The following OPCML variants were observed in gnomAD, a reference collection of about 807,000 sequenced individuals.
The protein encoded by OPCML is opioid binding protein/cell adhesion molecule like.
Under a neutral mutation model 37.8 loss-of-function variants are expected in OPCML, and 13 were observed. The observed-to-expected ratio is 0.34, with a 90% CI of 0.22 to 0.55. The LOEUF (loss-of-function observed/expected upper bound fraction) is 0.55. OPCML is among the 20% of genes least tolerant of loss of function. The pLI, the probability that OPCML is intolerant of heterozygous loss-of-function variation, is 0.91. For missense variants in OPCML, 341 were observed against 435.6 expected, an observed-to-expected ratio of 0.78 and a Z score of 1.93; for synonymous variants, 176 against 168.8, an observed-to-expected ratio of 1.04 and a Z score of -0.33.
intron 2 of OPCML, among the ~76,000 whole-genome samples, chr11:132,898,218 G>A (rs575179299): frequency 2.9e-4 from 44 of 152,312 alleles, no homozygotes; most frequent in South Asian, 6.2e-4. Flanking sequence ...AGCCAGCTAC[G>A]TGGTGGCAAG....
intron 2 of OPCML, among the ~76,000 whole-genome samples, chr11:132,759,471 T>A (rs60607515): frequency 6.6e-6 from 1 of 152,166 alleles, no homozygotes; most frequent in Non-Finnish European, 1.5e-5. Flanking sequence ...AGTGTCTCAA[T>A]TTCAGAACTT....
intron 1 of OPCML, among the ~76,000 whole-genome samples, chr11:133,303,099 A>C (rs1327019937): frequency 6.6e-6 from 1 of 152,190 alleles, no homozygotes; most frequent in South Asian, 2.1e-4. Flanking sequence ...AATATTTGCA[A>C]ATAAATAAGC....
chr11:132,688,277 T>C (rs1485063069), intron 2 of OPCML, among the ~76,000 whole-genome samples: 1 of 152,094 alleles, frequency 6.6e-6, no homozygotes, highest in Admixed American at 6.6e-5. Flanking sequence ...GAAAAAGAAG[T>C]TGAATGGATG....
intron 2 of OPCML, among the ~76,000 whole-genome samples, chr11:132,805,695 G>T (rs1227646475): frequency 6.6e-6 from 1 of 152,168 alleles, no homozygotes; most frequent in Non-Finnish European, 1.5e-5. Context: ...AGGCAAGAGT[G>T]CAATAAAGAC....
At chr11:132,729,854 T>C (rs779656092) in intron 2 of OPCML, among the ~76,000 whole-genome samples, 1 of 152,078 alleles carries the variant, frequency 6.6e-6, no homozygotes, top group African/African-American at 2.4e-5. Context: ...ATGAGCAGGA[T>C]ATTCTACCAA....
chr11:132,798,480 A>C (rs180891713), intron 2 of OPCML, among the ~76,000 whole-genome samples: 2 of 152,346 alleles, frequency 1.3e-5, no homozygotes, highest in East Asian at 3.9e-4. Flanking sequence ...TTAGTTGCTA[A>C]GTCATAAGAA....
chr11:133,082,698 C>T (rs1487894199), intron 1 of OPCML, among the ~76,000 whole-genome samples: 1 of 135,112 alleles, frequency 7.4e-6, no homozygotes, highest in Non-Finnish European at 1.6e-5. Context: ...CGAAGCCGGG[C>T]GAGGGGCTCA....
intron 1 of OPCML, among the ~76,000 whole-genome samples, chr11:133,072,562 G>A (rs769995536): frequency 1.3e-5 from 2 of 152,224 alleles, no homozygotes; most frequent in South Asian, 4.1e-4. Flanking sequence ...CTCTAGGGAC[G>A]GCTTGATGAC....
Position 132,963,614 on chromosome 11 carries a change from C to A in OPCML, c.62-20604G>T, listed in dbSNP as rs566594877. Among the ~76,000 whole-genome samples the A allele has an allele frequency of 5.4e-4, 81 of 150,616 alleles. 1 individual carries two copies. In the South Asian group the frequency reaches 0.016, roughly 29 times the overall value. On this transcript the variant is annotated intron_variant, in intron 1 of 7. Coordinates refer to ENST00000524381, the MANE Select transcript of OPCML (RefSeq NM_001012393.5). Reference sequence around the variant, plus strand: ...TCAAAAAAAAAAAAAAAAACTGTGGCTCTTGCGGTGAGAATGTCCTTCCTG... The same window carrying A: ...TCAAAAAAAAAAAAAAAAACTGTGGATCTTGCGGTGAGAATGTCCTTCCTG...
chr11:132,953,068 T>A (rs1945896007), intron 1 of OPCML, among the ~76,000 whole-genome samples: 1 of 152,172 alleles, frequency 6.6e-6, no homozygotes, highest in African/African-American at 2.4e-5. Context: ...AACTTTAGAA[T>A]CTAAGGAGTA....
intron 3 of OPCML, among the ~76,000 whole-genome samples, chr11:132,614,472 C>T (rs942170402): frequency 2.0e-5 from 3 of 152,200 alleles, no homozygotes; most frequent in Admixed American, 6.5e-5. Context: ...CCTCTTCCGT[C>T]CCTCTGCGGG....
intron 1 of OPCML, among the ~76,000 whole-genome samples, chr11:133,149,278 T>A (rs1468469547): frequency 6.6e-6 from 1 of 152,168 alleles, no homozygotes; most frequent in Admixed American, 6.5e-5. Flanking sequence ...TTGGAGCAGG[T>A]CCTACGGGAG....
chr11:133,176,337 C>CTT (rs3049633), intron 1 of OPCML, among the ~76,000 whole-genome samples: 46,112 of 139,814 alleles, frequency 0.33, 7,746 homozygotes, highest in Middle Eastern at 0.41. Flanking sequence ...CTTCATTTTC[C>CTT]TTTTTTTTTT....
At chr11:132,841,336 G>T (rs562838675) in intron 2 of OPCML, among the ~76,000 whole-genome samples, 1 of 152,278 alleles carries the variant, frequency 6.6e-6, no homozygotes, top group Non-Finnish European at 1.5e-5. Context: ...GAAGAGAATG[G>T]AAAGACAAAG....
At chr11:133,468,931 A>G (rs776626974) in intron 1 of OPCML, among the ~76,000 whole-genome samples, 1 of 152,164 alleles carries the variant, frequency 6.6e-6, no homozygotes, top group Non-Finnish European at 1.5e-5. Context: ...ATTCATTGTG[A>G]AGTATAAGCA....
chr11:133,520,140 T>C (rs1191615898), intron 1 of OPCML, among the ~76,000 whole-genome samples: 1 of 152,130 alleles, frequency 6.6e-6, no homozygotes, highest in Non-Finnish European at 1.5e-5. Context: ...AGCTCCCCTG[T>C]CCTCCAGAGA....
intron 1 of OPCML, among the ~76,000 whole-genome samples, chr11:133,345,018 G>A (rs940390675): frequency 2.0e-5 from 3 of 152,098 alleles, no homozygotes; most frequent in African/African-American, 7.2e-5. Context: ...CACCCTCTGC[G>A]TGACTTCCAT....
chr11:132,832,782 C>T (rs990733990), intron 2 of OPCML, among the ~76,000 whole-genome samples: 5 of 152,262 alleles, frequency 3.3e-5, no homozygotes, highest in East Asian at 3.9e-4. Context: ...CTAGGCTACA[C>T]GGGAGAGCCT....
At chr11:133,163,502 A>G (rs1950171056) in intron 1 of OPCML, among the ~76,000 whole-genome samples, 1 of 152,238 alleles carries the variant, frequency 6.6e-6, no homozygotes, top group African/African-American at 2.4e-5. Flanking sequence ...TTTAAAAGGC[A>G]GGAGTCATTC....
Sources: allele counts gnomAD v4.1 joint callset (sites outside exome capture counted in the v4.1 genomes callset), GRCh38; gene constraint gnomAD v4.1.1; transcripts MANE v1.5; gene names NCBI Gene and HGNC (gene_info 2026-07-23, HGNC 2026-07-21).